Variants in WDR37 observed in about 807,000 individuals in gnomAD.
The protein encoded by WDR37 is WD repeat-containing protein 37.
A neutral mutation model predicts 62.9 loss-of-function variants in WDR37; 19 were observed. That is an observed-to-expected ratio of 0.30 (90% CI 0.21 to 0.44). The LOEUF is 0.44. Among genes scored for constraint, WDR37 ranks in the 20% least tolerant of loss-of-function variants. The probability of loss-of-function intolerance (pLI) is 1.00; values close to 1 mark genes in which losing one functional copy is unlikely to be tolerated. For synonymous variants in WDR37, 250 were observed against 260.9 expected (o/e 0.96, Z 0.40); for missense variants, 474 against 657.6 (o/e 0.72, Z 3.05).
intron 3 of WDR37, among the ~76,000 whole-genome samples, chr10:1,079,259 A>G (rs1308122860): frequency 6.6e-6 from 1 of 151,414 alleles, no homozygotes; most frequent in Non-Finnish European, 1.5e-5. Flanking sequence ...TAATTTTTGT[A>G]TTTTTAGTAG....
At chr10:1,090,810 G>A (rs933107415) in intron 7 of WDR37, among the ~76,000 whole-genome samples, 2 of 152,188 alleles carry the variant, frequency 1.3e-5, no homozygotes, top group African/African-American at 4.8e-5. Context: ...TTTGACACTG[G>A]ATGAAGGGTA....
At position 1,103,850 on chromosome 10, in the gene WDR37, C is replaced by CT; in HGVS notation, c.961+15dup. On this transcript the variant is annotated intron_variant, in intron 10 of 13. Transcript: ENST00000263150. The surrounding 1 kb of genome is among the most constrained non-coding windows in gnomAD (Gnocchi z 6.3). ...ACTCTCTGACAGGTGCCTGGGTTCT[C>CT]TGAGTCCGCCGCCTCCTGGCTGTGC... 6.2e-7 allele frequency: 1 copy of CT among 1,612,514 alleles called. No homozygotes were observed. Among genetic ancestry groups the CT allele is most frequent in the Non-Finnish European group, 8.5e-7 (1 of 1,178,738 alleles).
At chr10:1,106,363 C>T (rs1835022111) in intron 11 of WDR37, among the ~76,000 whole-genome samples, 1 of 152,164 alleles carries the variant, frequency 6.6e-6, no homozygotes, top group Admixed American at 6.5e-5. Flanking sequence ...TGCTCTCCAC[C>T]CCGACGTCTG....
chr10:1,130,227 T>TTC lies in WDR37; in HGVS notation c.*883_*884insTC, dbSNP rs1232299918. On this transcript the variant is annotated 3_prime_UTR_variant, in exon 14 of 14. Transcript: ENST00000263150. The stretch of plus-strand genomic sequence containing the variant: ...GTGCTTCCGAATGGGCTCACTCCCG[T>TTC]GGTGGTGTTTGAGAGCCAACAACAC... 1 of 152,638 alleles carries TTC rather than the reference T, an allele frequency of 6.6e-6. No individual in the cohort carries two copies. The highest frequency in any genetic ancestry group is 1.5e-5 in the Non-Finnish European group (1 of 68,038). The allele number at this position is 152,638 out of a possible 1,614,324, so 9.5% of individuals were successfully genotyped here.
chr10:1,076,882 C>T (rs11250251), intron 2 of WDR37, among the ~76,000 whole-genome samples: 4,860 of 150,996 alleles, frequency 0.032, 121 homozygotes, highest in Middle Eastern at 0.052. Flanking sequence ...CGCCTATAGT[C>T]CCAGCTACTG....
At chr10:1,090,110 G>T (rs908799639) in intron 7 of WDR37, among the ~76,000 whole-genome samples, 1 of 152,074 alleles carries the variant, frequency 6.6e-6, no homozygotes, top group African/African-American at 2.4e-5. Context: ...GGGATTATAG[G>T]TGCCCGCCAC....
intron 1 of WDR37, among the ~76,000 whole-genome samples, chr10:1,060,318 G>C (rs1354874114): frequency 2.0e-5 from 3 of 152,220 alleles, no homozygotes; most frequent in African/African-American, 7.2e-5. Context: ...TACGTACACG[G>C]CAACATATAC....
chr10:1,098,890 T>A (rs1204829988), intron 9 of WDR37, among the ~76,000 whole-genome samples: 1 of 152,232 alleles, frequency 6.6e-6, no homozygotes, highest in Non-Finnish European at 1.5e-5. Flanking sequence ...CCATCCTTCC[T>A]TTCAACAGAC....
chr10:1,126,331 A>T (rs7085880), intron 13 of WDR37, among the ~76,000 whole-genome samples: 1 of 149,682 alleles, frequency 6.7e-6, no homozygotes, highest in Non-Finnish European at 1.5e-5. Context: ...GCGTGAACCC[A>T]GGAGGCGGAG....
At chr10:1,097,871 T>C (rs2131648640) in intron 9 of WDR37, among the ~76,000 whole-genome samples, 2 of 152,288 alleles carry the variant, frequency 1.3e-5, no homozygotes, top group East Asian at 3.9e-4. Context: ...GTAACTTGTT[T>C]GGGTTCCGTG....
intron 9 of WDR37, among the ~76,000 whole-genome samples, chr10:1,100,903 C>T (rs757445144): frequency 3.3e-5 from 5 of 152,312 alleles, no homozygotes; most frequent in South Asian, 2.1e-4. Flanking sequence ...TTGTGAGCCT[C>T]GGGCCCCCCG....
In WDR37 at chr10:1,105,275, G is replaced by A. The variant is rs771809323; in HGVS notation, c.1103+8G>A. 5.0e-6 allele frequency: 8 copies of A among 1,613,200 alleles called. No individual in the cohort carries two copies. In the South Asian group the frequency reaches 8.8e-5, roughly 18 times the overall value. Reference sequence around the variant, plus strand: ...TTTCCAGGGACACACGGAGTGAGTTGCGGTAGTTTAGACATCTGTCCTTAG... The same window carrying A: ...TTTCCAGGGACACACGGAGTGAGTTACGGTAGTTTAGACATCTGTCCTTAG... On this transcript the variant is annotated splice_region_variant and intron_variant, in intron 11 of 13. Coordinates refer to ENST00000263150, the MANE Select transcript of WDR37 (RefSeq NM_014023.4). This position sits in a 1 kb window ranked among gnomAD's most constrained non-coding sequence, Gnocchi z 5.3.
rs1835690046 is a variant in WDR37, at chr10:1,124,768, A to G, written c.1239-142A>G. ...TAACTTGGTCTCTTTTGAATACCGTAAGCAGGTGGTACACGCAGTGTGTTC... is the reference window on the plus strand; with the variant it reads ...TAACTTGGTCTCTTTTGAATACCGTGAGCAGGTGGTACACGCAGTGTGTTC... On this transcript the variant is annotated intron_variant, in intron 12 of 13. Coordinates refer to ENST00000263150, the MANE Select transcript of WDR37 (RefSeq NM_014023.4). 2.7e-6 allele frequency: 3 copies of G among 1,117,686 alleles called. No homozygotes were observed. The East Asian group carries it at 7.8e-5, about 29-fold the overall frequency. 69.2% of individuals were successfully genotyped at this position (1,117,686 alleles called of 1,614,324 possible).
At chr10:1,082,800 A>AGCACAGCTCCAGCC (rs1463640475) in intron 5 of WDR37, among the ~76,000 whole-genome samples, 2 of 152,212 alleles carry the variant, frequency 1.3e-5, no homozygotes, top group Non-Finnish European at 2.9e-5. Flanking sequence ...CAGCTCCAGC[A>AGCACAGCTCCAGCC]GCAGTGCAGT....
chr10:1,077,961 A>T lies in WDR37; in HGVS notation c.193A>T (p.Ile65Leu), dbSNP rs1352403192. The T allele has an allele frequency of 6.2e-7, 1 of 1,611,800 alleles. No individual in the cohort carries two copies. The highest frequency in any genetic ancestry group is 2.2e-5 in the East Asian group (1 of 44,752). The change falls in exon 3 of 14, where the codon ATA becomes TTA. Residue 65 changes from isoleucine (I) to leucine (L), a missense_variant. Physicochemically the swap from Ile to Leu is conservative, Grantham distance 5 (BLOSUM62 2). Coordinates refer to ENST00000263150, the MANE Select transcript of WDR37 (RefSeq NM_014023.4). ...TACACTTCTGGAACTGTTTGGTCAA[A>T]TAGAAAGAGAATTTGAAAACCTTTA... ...RSTLLELFGQ[I>L]EREFENLYIE... is the part of the protein sequence containing the mutation.
Position 1,086,319 on chromosome 10 carries a change from G to A in WDR37, c.566G>A (p.Gly189Glu), listed in dbSNP as rs1337620656. The A allele has an allele frequency of 1.1e-5, 18 of 1,614,164 alleles. No homozygotes were observed. Among genetic ancestry groups the A allele is most frequent in the Non-Finnish European group, 1.5e-5 (18 of 1,180,010 alleles). ...GCTTTGCTGTGGAGCATAGAGACAG[G>A]GAAGTGCCTAGTCAAGTACGCAGGC... ...HTALLWSIET[G>E]KCLVKYAGHV... The change falls in exon 7 of 14, where the codon GGG becomes GAG. Residue 189 changes from glycine to glutamate, a missense_variant. By Grantham distance (98) the Gly-to-Glu change is moderately conservative. Coordinates refer to ENST00000263150, the MANE Select transcript of WDR37 (RefSeq NM_014023.4).
At chr10:1,101,796 C>T (rs1670326982) in intron 9 of WDR37, among the ~76,000 whole-genome samples, 1 of 152,222 alleles carries the variant, frequency 6.6e-6, no homozygotes, top group Admixed American at 6.5e-5. Flanking sequence ...TTCCTTTCCT[C>T]ACATCCGACT....
chr10:1,082,754 C>A (rs560767694), intron 5 of WDR37, among the ~76,000 whole-genome samples: 1 of 152,058 alleles, frequency 6.6e-6, no homozygotes, highest in Non-Finnish European at 1.5e-5. Context: ...GGCACATGAT[C>A]CCCTGCACAG....
At chr10:1,061,911 G>C (rs1049250612) in intron 1 of WDR37, among the ~76,000 whole-genome samples, 2 of 151,856 alleles carry the variant, frequency 1.3e-5, no homozygotes, top group Admixed American at 6.6e-5. Flanking sequence ...TTTGAGTTTA[G>C]CCTTGGGTCC....
Sources: gnomAD v4.1 joint callset for allele counts (sites outside exome capture counted in the v4.1 genomes callset) on GRCh38, gnomAD v4.1.1 for gene constraint, Gnocchi (gnomAD v3.1) non-coding constraint, MANE v1.5 for transcripts, NCBI Gene and HGNC (gene_info 2026-07-23, HGNC 2026-07-21) for gene names.